The following NSMAF variants were observed in gnomAD, a reference collection of about 807,000 sequenced individuals.
The protein encoded by NSMAF is neutral sphingomyelinase activation associated factor.
A neutral mutation model predicts 134.9 loss-of-function variants in NSMAF; 90 were observed. That is an observed-to-expected ratio of 0.67 (90% CI 0.56 to 0.79). The LOEUF is 0.79. Ranked by LOEUF, NSMAF falls within the 30% of genes least tolerant of loss-of-function variation. The probability of loss-of-function intolerance (pLI) is 0.00; values close to 1 mark genes in which losing one functional copy is unlikely to be tolerated. For synonymous variants in NSMAF, 358 were observed against 389.6 expected (o/e 0.92, Z 0.96); for missense variants, 1,010 against 1,119.0 (o/e 0.90, Z 1.39).
At chr8:58,627,029 T>C (rs1170393812) in intron 6 of NSMAF, among the ~76,000 whole-genome samples, 3 of 152,226 alleles carry the variant, frequency 2.0e-5, no homozygotes, top group African/African-American at 7.2e-5. Flanking sequence ...TCTATTCATG[T>C]TCTTTGCCTA....
chr8:58,637,045 C>T (rs1807191998), intron 2 of NSMAF, among the ~76,000 whole-genome samples: 1 of 152,010 alleles, frequency 6.6e-6, no homozygotes, highest in East Asian at 1.9e-4. Context: ...CACACACCCA[C>T]ACACAAACAC....
Position 58,595,391 on chromosome 8 carries a change from A to C in NSMAF, c.1892+169T>G, listed in dbSNP as rs2279462. 0.37 allele frequency among the ~76,000 whole-genome samples: 56,280 copies of C among 152,052 alleles called. 10,844 individuals are homozygous for C. The highest frequency in any genetic ancestry group is 0.56 in the East Asian group (2,916 of 5,164). On this transcript the variant is annotated intron_variant, in intron 22 of 30. Transcript: ENST00000038176. ...CGTGCCAAACTTTCCCTACTACATCAACCTCAGGTGGAGATCACTATAGAC... is the reference window on the plus strand; with the variant it reads ...CGTGCCAAACTTTCCCTACTACATCCACCTCAGGTGGAGATCACTATAGAC...
At chr8:58,600,493 T>G (rs1005249407) in intron 16 of NSMAF, among the ~76,000 whole-genome samples, 14 of 151,886 alleles carry the variant, frequency 9.2e-5, no homozygotes, top group South Asian at 2.1e-4. Context: ...CGTGGTGGCA[T>G]GCGCCTGTAG....
At chr8:58,599,423 C>G in intron 18 of NSMAF, 60 bp from the exon 19 acceptor site, 1 of 1,572,138 alleles carries the variant, frequency 6.4e-7, no homozygotes, top group Non-Finnish European at 8.7e-7. Context: ...TCCCATTTCT[C>G]TTGTCTATCT....
At chr8:58,659,237 C>T in intron 1 of NSMAF, 2 of 1,499,296 alleles carry the variant, frequency 1.3e-6, no homozygotes, top group African/African-American at 1.5e-5. Flanking sequence ...GGATCCACGC[C>T]CGGACCCCGC....
At chr8:58,641,014 C>G (rs1807322891) in intron 2 of NSMAF, among the ~76,000 whole-genome samples, 1 of 152,100 alleles carries the variant, frequency 6.6e-6, no homozygotes, top group Non-Finnish European at 1.5e-5. Context: ...CTCCGCCTCC[C>G]AAGTTCAAGC....
chr8:58,628,888 C>G (rs1215678479), intron 6 of NSMAF, among the ~76,000 whole-genome samples: 1 of 152,150 alleles, frequency 6.6e-6, no homozygotes, highest in Non-Finnish European at 1.5e-5. Context: ...ATTTTCTGAC[C>G]TGCAAGCTTT....
chr8:58,647,571 C>T (rs1269993983), intron 1 of NSMAF, among the ~76,000 whole-genome samples: 3 of 151,828 alleles, frequency 2.0e-5, no homozygotes, highest in African/African-American at 7.3e-5. Context: ...TCAGCACCAT[C>T]CCCTTGGTGA....
chr8:58,659,342 GT>G, intron 1 of NSMAF: 1 of 1,526,828 alleles, frequency 6.5e-7, no homozygotes, highest in Non-Finnish European at 8.8e-7. Flanking sequence ...GGCCTGGCCC[GT>G]CATCCAGTTC....
At chr8:58,639,999 T>C in intron 2 of NSMAF, 1 of 444,560 alleles carries the variant, frequency 2.2e-6, no homozygotes, top group Non-Finnish European at 4.5e-6. Flanking sequence ...GCTCAGAGCT[T>C]TGTTCAGGCA....
chr8:58,659,795 C>T lies in NSMAF; in HGVS notation c.-164G>A, dbSNP rs1037155753. On this transcript the variant is annotated 5_prime_UTR_variant, in exon 1 of 31. Coordinates refer to ENST00000038176, the MANE Select transcript of NSMAF (RefSeq NM_003580.4). Reference sequence around the variant, plus strand: ...CGCCGCTGGGCGGCCGAGAGCCCGACGCGGCGTCCCGGCCGCGCTCACCGC... The same window carrying T: ...CGCCGCTGGGCGGCCGAGAGCCCGATGCGGCGTCCCGGCCGCGCTCACCGC... 1.4e-5 allele frequency: 5 copies of T among 360,226 alleles called. No homozygotes were observed. Among genetic ancestry groups the T allele is most frequent in the Non-Finnish European group, 1.8e-5 (4 of 216,246 alleles). The allele number at this position is 360,226 out of a possible 1,614,324, so 22.3% of individuals were successfully genotyped here. A position where few individuals can be genotyped will look rare whatever the true frequency, so the allele number is the denominator to read the frequency against.
At chr8:58,623,521 A>G in intron 7 of NSMAF, 97 bp from the exon 8 acceptor site, 1 of 1,290,432 alleles carries the variant, frequency 7.7e-7, no homozygotes, top group Middle Eastern at 1.9e-4. Context: ...TTCTGTTAAC[A>G]GTCAAGATTA....
chr8:58,635,433 A>G (rs1807150213), intron 3 of NSMAF, 35 bp downstream of exon 3: 3 of 1,570,398 alleles, frequency 1.9e-6, no homozygotes, highest in Admixed American at 1.9e-5. Flanking sequence ...CACAAAAAAT[A>G]GGAATGTTTC....
intron 28 of NSMAF, 143 bp downstream of exon 28, chr8:58,586,315 G>T: frequency 1.3e-6 from 1 of 799,520 alleles, no homozygotes; most frequent in Non-Finnish European, 2.0e-6. Context: ...ATAAAGCAGT[G>T]TTAGCCATTG....
Position 58,659,752 on chromosome 8 carries a change from G to T in NSMAF, c.-121C>A, listed in dbSNP as rs536518861. On this transcript the variant is annotated 5_prime_UTR_variant, in exon 1 of 31. Coordinates refer to ENST00000038176, the MANE Select transcript of NSMAF (RefSeq NM_003580.4). ...CCGGCTGGGGAGCGCGCGGCTGCCG[G>T]CCTGGCTTCCCCTGCGGCGCCGCTG... is the stretch of plus-strand genomic sequence containing the variant. 2.7e-4 allele frequency: 205 copies of T among 758,260 alleles called. No homozygotes were observed. In the African/African-American group the frequency reaches 3.4e-3, roughly 13 times the overall value. The allele number at this position is 758,260 out of a possible 1,614,324, so 47.0% of individuals were successfully genotyped here.
At chr8:58,650,887 A>G (rs934655057) in intron 1 of NSMAF, among the ~76,000 whole-genome samples, 1 of 152,212 alleles carries the variant, frequency 6.6e-6, no homozygotes, top group Non-Finnish European at 1.5e-5. Flanking sequence ...CTCTATTGCC[A>G]CTTCCTGTTT....
chr8:58,589,535 A>G lies in NSMAF; in HGVS notation c.2128T>C (p.Leu710=), dbSNP rs781594140. 6.3e-7 allele frequency: 1 copy of G among 1,576,350 alleles called. No homozygotes were observed. The highest frequency in any genetic ancestry group is 2.0e-5 in the Admixed American group (1 of 48,982). Residue 710 remains leucine (L), a synonymous_variant, in exon 26 of 31, where the codon TTA becomes CTA. Coordinates refer to ENST00000038176, the MANE Select transcript of NSMAF (RefSeq NM_003580.4). The stretch of plus-strand genomic sequence containing the variant: ...CTAACAGCATCATCATGTCCCATTA[A>G]CGTGTCCTGGCGTCTTCCAAATGCT... ...SIAFGRRQDT[L]MGHDDAVSKI...
At chr8:58,598,673 A>G (rs910399666) in intron 19 of NSMAF, among the ~76,000 whole-genome samples, 3 of 152,148 alleles carry the variant, frequency 2.0e-5, no homozygotes, top group Non-Finnish European at 4.4e-5. Context: ...TCTTGGGGCC[A>G]GGATGAATTT....
chr8:58,586,830 T>C (rs2634527), intron 27 of NSMAF, among the ~76,000 whole-genome samples: 65,369 of 152,080 alleles, frequency 0.43, 15,169 homozygotes, highest in Middle Eastern at 0.59. Context: ...CAAGAAGAAA[T>C]GAAGTATTGC....
Sources: allele counts gnomAD v4.1 joint callset (sites outside exome capture counted in the v4.1 genomes callset), GRCh38; gene constraint gnomAD v4.1.1; transcripts MANE v1.5; gene names NCBI Gene and HGNC (gene_info 2026-07-23, HGNC 2026-07-21).